The following TRNT1 variants were observed in gnomAD, a reference collection of about 807,000 sequenced individuals.
The protein encoded by TRNT1 is CCA tRNA nucleotidyltransferase 1, mitochondrial.
TRNT1 carries 44 observed loss-of-function variants against 45.6 expected under a neutral mutation model. That is an observed-to-expected ratio of 0.97 (90% CI 0.76 to 1.24). The LOEUF (loss-of-function observed/expected upper bound fraction) is 1.24, where lower values mean the gene tolerates loss of function less well. TRNT1 is among the 50% of genes most tolerant of loss of function. The pLI is 0.00. For missense variants in TRNT1, 633 were observed against 504.4 expected (o/e 1.25, Z -2.44); for synonymous variants, 201 against 171.4 (o/e 1.17, Z -1.35).
chr3:3,133,539 CAGTG>C (rs923244731), intron 2 of TRNT1, among the ~76,000 whole-genome samples: 2 of 150,628 alleles, frequency 1.3e-5, no homozygotes, highest in African/African-American at 4.9e-5. Context: ...GCCTGGATGA[CAGTG>C]AGACCCTCTC....
chr3:3,139,726 A>C (rs1323703704), intron 3 of TRNT1, among the ~76,000 whole-genome samples: 1 of 151,982 alleles, frequency 6.6e-6, no homozygotes, highest in Non-Finnish European at 1.5e-5. Context: ...TCTTTATTTT[A>C]ATTTCTTTCT....
intron 4 of TRNT1, among the ~76,000 whole-genome samples, chr3:3,142,242 G>C (rs1462467993): frequency 6.6e-6 from 1 of 152,170 alleles, no homozygotes; most frequent in Non-Finnish European, 1.5e-5. Flanking sequence ...CAGTGTCCTA[G>C]TTTATAAAAT....
At chr3:3,128,084 A>G (rs1359269298) in intron 1 of TRNT1, 1 of 152,228 alleles carries the variant, frequency 6.6e-6, no homozygotes, top group Non-Finnish European at 1.5e-5. Context: ...CTTCTTACCC[A>G]TAAGATCTGA....
At chr3:3,133,941 T>C (rs1273129074) in intron 2 of TRNT1, among the ~76,000 whole-genome samples, 2 of 152,130 alleles carry the variant, frequency 1.3e-5, no homozygotes, top group African/African-American at 4.8e-5. Context: ...TAATTAAAAG[T>C]TAACATTAAA....
chr3:3,147,835 A>C (rs1216620687), intron 7 of TRNT1, 71 bp from the exon 8 acceptor site: 2 of 1,537,958 alleles, frequency 1.3e-6, no homozygotes, highest in African/African-American at 1.4e-5. Context: ...TGAGTATTTA[A>C]ATTTTAGGAT....
chr3:3,142,103 C>T (rs1705690280), intron 4 of TRNT1, among the ~76,000 whole-genome samples: 1 of 152,170 alleles, frequency 6.6e-6, no homozygotes, highest in South Asian at 2.1e-4. Flanking sequence ...TTAATGTAGT[C>T]AGAGCTCCAG....
At chr3:3,151,296 T>G (rs934146606), downstream of TRNT1, among the ~76,000 whole-genome samples, 1 of 152,134 alleles carries the variant, frequency 6.6e-6, no homozygotes, top group African/African-American at 2.4e-5. Flanking sequence ...AAATAAAGAG[T>G]AATCTTAAGA....
intron 4 of TRNT1, among the ~76,000 whole-genome samples, chr3:3,140,942 C>T (rs908030478): frequency 4.6e-5 from 7 of 152,094 alleles, no homozygotes; most frequent in African/African-American, 7.2e-5. Flanking sequence ...ATTAGCCGGG[C>T]GTGGTGGCGG....
downstream of TRNT1, chr3:3,150,679 T>TTA: frequency 1.7e-6 from 1 of 591,708 alleles, no homozygotes; most frequent in Non-Finnish European, 2.9e-6. Flanking sequence ...TCATGCTTGT[T>TTA]TCCTAAAGTA....
chr3:3,140,578 G>C lies in TRNT1; in HGVS notation c.411G>C (p.Glu137Asp), dbSNP rs1705583697. 6.2e-7 allele frequency: 1 copy of C among 1,614,020 alleles called. No individual in the cohort carries two copies. The highest frequency in any genetic ancestry group is 1.3e-5 in the African/African-American group (1 of 74,926). The change falls in exon 4 of 8, where the codon GAG becomes GAC. Residue 137 changes from glutamate (E) to aspartate (D), a missense_variant. Transcript: ENST00000251607. Reference sequence around the variant, plus strand: ...TCACCACTGATGGAAGACATGCTGAGGTAGAATTTACAACTGACTGGCAGA... The same window carrying C: ...TCACCACTGATGGAAGACATGCTGACGTAGAATTTACAACTGACTGGCAGA... ...IDVTTDGRHA[E>D]VEFTTDWQKD...
chr3:3,142,224 C>A (rs903353602), intron 4 of TRNT1, among the ~76,000 whole-genome samples: 1 of 152,218 alleles, frequency 6.6e-6, no homozygotes, highest in African/African-American at 2.4e-5. Flanking sequence ...GAAACTAATA[C>A]TCTTTTTCAG....
Position 3,129,099 on chromosome 3 carries a change from T to C in TRNT1, c.59T>C (p.Leu20Pro), listed in dbSNP as rs1704816332. 2 of 1,614,066 alleles carry C rather than the reference T, an allele frequency of 1.2e-6. No individual in the cohort carries two copies. The highest frequency in any genetic ancestry group is 1.7e-6 in the Non-Finnish European group (2 of 1,179,888). Reference protein sequence around the residue: ...RPVLNRRWSRLCLPKQYLFTM... With the variant: ...RPVLNRRWSRPCLPKQYLFTM... ...GTGCTGAACCGTAGGTGGAGTAGGC[T>C]GTGCCTTCCGAAGCAGTATCTATTC... Residue 20 changes from leucine to proline, a missense_variant, in exon 2 of 8, where the codon CTG becomes CCG. Transcript: ENST00000251607.
At chr3:3,150,816 CTTAGAATA>C, downstream of TRNT1, 1 of 1,563,244 alleles carries the variant, frequency 6.4e-7, no homozygotes, top group Non-Finnish European at 8.7e-7. Flanking sequence ...CAAAGCAGAT[CTTAGAATA>C]TAACCAATTT....
At chr3:3,128,972 C>A (rs1042207137) in intron 1 of TRNT1, 42 bp from the exon 2 acceptor site, 3 of 1,409,566 alleles carry the variant, frequency 2.1e-6, no homozygotes, top group African/African-American at 2.8e-5. Flanking sequence ...CACTTACCTT[C>A]ACTTTTAATT....
intron 1 of TRNT1, among the ~76,000 whole-genome samples, chr3:3,128,430 C>T (rs1045163673): frequency 6.6e-6 from 1 of 152,018 alleles, no homozygotes; most frequent in Non-Finnish European, 1.5e-5. Context: ...AACCCCGTCT[C>T]TACCCAGAAG....
chr3:3,150,644 T>A (rs1575075144), downstream of TRNT1: 3 of 480,254 alleles, frequency 6.2e-6, no homozygotes, highest in Middle Eastern at 1.2e-3. Context: ...CCCAAGTAGA[T>A]GTTTCTGGTA....
intron 4 of TRNT1, among the ~76,000 whole-genome samples, chr3:3,143,716 A>G (rs1705805429): frequency 6.6e-6 from 1 of 152,132 alleles, no homozygotes; most frequent in African/African-American, 2.4e-5. Flanking sequence ...TGTCTCTACT[A>G]AAAATACAAA....
At chr3:3,128,680 T>TG (rs926751209) in intron 1 of TRNT1, among the ~76,000 whole-genome samples, 3 of 151,362 alleles carry the variant, frequency 2.0e-5, no homozygotes, top group African/African-American at 7.3e-5. Context: ...GCAAAACTCT[T>TG]GGGGGGCTTT....
downstream of TRNT1, chr3:3,152,591 AAAC>A: frequency 6.2e-7 from 1 of 1,614,084 alleles, no homozygotes; most frequent in Non-Finnish European, 8.5e-7. Flanking sequence ...GGATAAACTA[AAAC>A]AAAGAATCAA....
Sources: gnomAD v4.1 joint callset for allele counts (sites outside exome capture counted in the v4.1 genomes callset) on GRCh38, gnomAD v4.1.1 for gene constraint, MANE v1.5 for transcripts, NCBI Gene and HGNC (gene_info 2026-07-23, HGNC 2026-07-21) for gene names.